The following RAI1 variants were observed in gnomAD, a reference collection of about 807,000 sequenced individuals.
RAI1 encodes retinoic acid induced 1.
RAI1 carries 9 observed loss-of-function variants against 123.8 expected under a neutral mutation model. That is an observed-to-expected ratio of 0.07 (90% CI 0.04 to 0.13). The LOEUF (loss-of-function observed/expected upper bound fraction) is 0.13, where lower values mean the gene tolerates loss of function less well. RAI1 is among the 10% of genes least tolerant of loss of function. The pLI is 1.00. For missense variants in RAI1, 2,256 were observed against 2,545.8 expected, an observed-to-expected ratio of 0.89 and a Z score of 2.45; for synonymous variants, 1,231 against 1,127.3, an observed-to-expected ratio of 1.09 and a Z score of -1.84.
At position 17,793,327 on chromosome 17, in the gene RAI1, C is replaced by G. The variant is rs2032093135; in HGVS notation, c.379C>G (p.Pro127Ala). The change falls in exon 3 of 6, where the codon CCA (proline) becomes GCA (alanine). Residue 127 changes from proline (P) to alanine (A), a missense_variant. Coordinates refer to ENST00000353383, the MANE Select transcript of RAI1 (RefSeq NM_030665.4). ...TCAGGCTTGGGGGGCCCCACAGCCA[C>G]CACCCCCACAGCCGCAGCCACTACC... Reference protein sequence around the residue: ...SLQAWGAPQPPPPQPQPLPAG... With the variant: ...SLQAWGAPQPAPPQPQPLPAG... 1 of 1,612,406 alleles carries G rather than the reference C, an allele frequency of 6.2e-7. No individual in the cohort carries two copies. Among genetic ancestry groups the G allele is most frequent in the African/African-American group, 1.3e-5 (1 of 74,900 alleles).
chr17:17,795,274 T>G lies in RAI1; in HGVS notation c.2326T>G (p.Ser776Ala). The change falls in exon 3 of 6, where the codon TCA becomes GCA. Residue 776 changes from serine (S) to alanine (A), a missense_variant. Coordinates refer to ENST00000353383, the MANE Select transcript of RAI1 (RefSeq NM_030665.4). The surrounding 1 kb of genome is among the most constrained non-coding windows in gnomAD (Gnocchi z 5.9). ...GGGCCTGGAGCAGGGTGGGAAGGCC[T>G]CAGATGGCATCAGCAAAGGGGACAC... ...TKGLEQGGKA[S>A]DGISKGDTHE... The G allele has an allele frequency of 1.9e-6, 3 of 1,613,534 alleles. No homozygotes were observed. The highest frequency in any genetic ancestry group is 2.5e-6 in the Non-Finnish European group (3 of 1,179,732).
At chr17:17,775,358 C>A (rs538778398) in intron 2 of RAI1, among the ~76,000 whole-genome samples, 230 of 152,118 alleles carry the variant, frequency 1.5e-3, no homozygotes, top group Non-Finnish European at 2.4e-3. Context: ...CATGCATCAC[C>A]ATGCCCAGCT....
rs772993119 is a variant in RAI1, at chr17:17,798,180, G to A, written c.5232G>A (p.Glu1744=). Residue 1744 remains glutamate (E), a synonymous_variant, in exon 3 of 6, where the codon GAG becomes GAA. Coordinates refer to ENST00000353383, the MANE Select transcript of RAI1 (RefSeq NM_030665.4). ...LPLERTLKGP[E]CAAAATAGKP... Reference sequence around the variant, plus strand: ...TTGAGAGAACACTCAAAGGTCCCGAGTGTGCAGCTGCCGCCACTGCCGGGA... The same window carrying A: ...TTGAGAGAACACTCAAAGGTCCCGAATGTGCAGCTGCCGCCACTGCCGGGA... 1 of 1,612,312 alleles carries A rather than the reference G, an allele frequency of 6.2e-7. No individual in the cohort carries two copies. The highest frequency in any genetic ancestry group is 1.1e-5 in the South Asian group (1 of 91,084).
intron 3 of RAI1, among the ~76,000 whole-genome samples, chr17:17,802,576 A>C (rs995532967): frequency 1.4e-4 from 22 of 152,040 alleles, no homozygotes; most frequent in Non-Finnish European, 4.4e-5. Flanking sequence ...GGAGATCGAG[A>C]CCATCCTGGC....
At position 17,796,463 on chromosome 17, in the gene RAI1, G is replaced by A. The variant is rs527868421; in HGVS notation, c.3515G>A (p.Arg1172His). 5.1e-5 allele frequency: 83 copies of A among 1,612,384 alleles called. No homozygotes were observed. Among genetic ancestry groups the A allele is most frequent in the South Asian group, 9.9e-5 (9 of 91,080 alleles). ...RPSEGRLPNC[R>H]ATKKLLDNSH... is the part of the protein sequence containing the mutation. ...TCTGAGGGCCGGCTCCCCAACTGCCGTGCCACCAAGAAGCTCCTCGACAAC... is the reference window on the plus strand; with the variant it reads ...TCTGAGGGCCGGCTCCCCAACTGCCATGCCACCAAGAAGCTCCTCGACAAC... The change falls in exon 3 of 6, where the codon CGT becomes CAT. Residue 1172 changes from arginine to histidine, a missense_variant. By Grantham distance (29) the Arg-to-His change is conservative. Transcript: ENST00000353383. The surrounding 1 kb of genome is among the most constrained non-coding windows in gnomAD (Gnocchi z 5.8).
intron 4 of RAI1, among the ~76,000 whole-genome samples, chr17:17,806,743 C>G (rs959293934): frequency 2.0e-5 from 3 of 152,192 alleles, no homozygotes; most frequent in African/African-American, 7.2e-5. Context: ...ATGGCAGCCC[C>G]AGGGCTTTGA....
chr17:17,687,010 G>A (rs1222622458), intron 1 of RAI1, among the ~76,000 whole-genome samples: 1 of 152,102 alleles, frequency 6.6e-6, no homozygotes, highest in Non-Finnish European at 1.5e-5. Context: ...TTGAGATGGA[G>A]TCTTGCTCTG....
chr17:17,725,989 T>TGCTAACAGTGTGACACCGGCTGACTGGA (rs1916075490), intron 2 of RAI1, among the ~76,000 whole-genome samples: 1 of 152,072 alleles, frequency 6.6e-6, no homozygotes, highest in Non-Finnish European at 1.5e-5. Flanking sequence ...CCCTCTGACA[T>TGCTAACAGTGTGACACCGGCTGACTGGA]GCTAACAGTG....
At chr17:17,723,917 G>C (rs1368700816) in intron 1 of RAI1, 111 bp from the exon 2 acceptor site, 2 of 148,538 alleles carry the variant, frequency 1.3e-5, no homozygotes, top group African/African-American at 5.0e-5. Context: ...CGCGGGGCGC[G>C]AGAGGCGCGG....
chr17:17,797,190 C>T lies in RAI1; in HGVS notation c.4242C>T (p.Asn1414=). 1 of 1,613,888 alleles carries T rather than the reference C, an allele frequency of 6.2e-7. No individual in the cohort carries two copies. Among genetic ancestry groups the T allele is most frequent in the Non-Finnish European group, 8.5e-7 (1 of 1,180,044 alleles). ...TNRSLKGKLM[N]SKKLSSTDCF... is the part of the protein sequence containing the mutation. ...GATCCTTAAAAGGCAAACTCATGAA[C>T]AGTAAGAAACTGTCTTCTACTGACT... The change falls in exon 3 of 6, where the codon AAC becomes AAT. Residue 1414 remains asparagine (N), a synonymous_variant. Transcript: ENST00000353383.
chr17:17,764,876 C>T (rs1027859653), intron 2 of RAI1, among the ~76,000 whole-genome samples: 1 of 152,282 alleles, frequency 6.6e-6, no homozygotes, highest in African/African-American at 2.4e-5. Flanking sequence ...AGGCATGAGC[C>T]ACCGCGCCTG....
chr17:17,698,761 T>G (rs1346097473), intron 1 of RAI1, among the ~76,000 whole-genome samples: 1 of 152,146 alleles, frequency 6.6e-6, no homozygotes, highest in Non-Finnish European at 1.5e-5. Flanking sequence ...TGAGTTTTCT[T>G]TGGCGCTGTG....
At chr17:17,783,597 C>T (rs549181637) in intron 2 of RAI1, among the ~76,000 whole-genome samples, 5 of 152,280 alleles carry the variant, frequency 3.3e-5, no homozygotes, top group Admixed American at 2.6e-4. Context: ...TCCCCCTCTG[C>T]CCCAGCCGGG....
At chr17:17,732,235 G>C (rs1916294874) in intron 2 of RAI1, among the ~76,000 whole-genome samples, 1 of 152,202 alleles carries the variant, frequency 6.6e-6, no homozygotes, top group Admixed American at 6.5e-5. Flanking sequence ...GCTAAACCCT[G>C]GGCTGTGTTG....
intron 2 of RAI1, among the ~76,000 whole-genome samples, chr17:17,781,533 G>C (rs1567900149): frequency 6.6e-6 from 1 of 152,176 alleles, no homozygotes. Context: ...GACTGGGGGC[G>C]GAGGGTAGTC....
Position 17,797,202 on chromosome 17 carries a change from G to C in RAI1, c.4254G>C (p.Leu1418=), listed in dbSNP as rs761120367. Residue 1418 remains leucine (L), a synonymous_variant, in exon 3 of 6, where the codon CTG becomes CTC. Transcript: ENST00000353383. ...GCAAACTCATGAACAGTAAGAAACT[G>C]TCTTCTACTGACTGTTTCAAAACCG... ...LKGKLMNSKK[L]SSTDCFKTEA... is the part of the protein sequence containing the mutation. The C allele has an allele frequency of 1.2e-6, 2 of 1,613,836 alleles. No homozygotes were observed. Among genetic ancestry groups the C allele is most frequent in the East Asian group, 4.5e-5 (2 of 44,878 alleles).
chr17:17,711,988 T>TTG lies in RAI1; in HGVS notation c.-148-12039_-148-12038dup, dbSNP rs750878099. ...ATGTGTTTTCAAGAGAAGCTGGAATTTGGATTTTTATGTGAACTCTCCTGA... is the reference window on the plus strand; with the variant it reads ...ATGTGTTTTCAAGAGAAGCTGGAATTTGTGGATTTTTATGTGAACTCTCCTGA... On this transcript the variant is annotated intron_variant, in intron 1 of 5. Coordinates refer to ENST00000353383, the MANE Select transcript of RAI1 (RefSeq NM_030665.4). 2.8e-4 allele frequency among the ~76,000 whole-genome samples: 43 copies of TTG among 152,342 alleles called. No individual in the cohort carries two copies. In the Middle Eastern group the frequency reaches 0.014, roughly 48 times the overall value.
At chr17:17,792,874 C>T (rs1379245666) in intron 2 of RAI1, 59 bp from the exon 3 acceptor site, 3 of 877,966 alleles carry the variant, frequency 3.4e-6, no homozygotes, top group African/African-American at 3.4e-5. Flanking sequence ...CTGCCCCCTC[C>T]CTGCCCATCC....
In RAI1 at chr17:17,785,558, C is replaced by T. The variant is rs574333224; in HGVS notation, c.-16-7375C>T. On this transcript the variant is annotated intron_variant, in intron 2 of 5. Transcript: ENST00000353383. The stretch of plus-strand genomic sequence containing the variant: ...CCATGAGAGCCACCAAGGAGCCTGG[C>T]GGGGGACCCAGGAGAGTTGGGGTGG... Among the ~76,000 whole-genome samples, 13 of 152,248 alleles carry T rather than the reference C, an allele frequency of 8.5e-5. No homozygotes were observed. In the South Asian group the frequency reaches 1.7e-3, roughly 19 times the overall value.
Sources: gnomAD v4.1 joint callset for allele counts (sites outside exome capture counted in the v4.1 genomes callset) on GRCh38, gnomAD v4.1.1 for gene constraint, Gnocchi (gnomAD v3.1) non-coding constraint, MANE v1.5 for transcripts, NCBI Gene and HGNC (gene_info 2026-07-23, HGNC 2026-07-21) for gene names.